PDGFC: variants seen among roughly 807,000 people sequenced by gnomAD.
The protein encoded by PDGFC is platelet derived growth factor C.
A neutral mutation model predicts 35.5 loss-of-function variants in PDGFC; 12 were observed. That is an observed-to-expected ratio of 0.34 (90% confidence interval 0.22 to 0.55). PDGFC has a LOEUF of 0.55. PDGFC is among the 20% of genes least tolerant of loss of function. The probability of loss-of-function intolerance (pLI) is 0.91; values close to 1 mark genes in which losing one functional copy is unlikely to be tolerated. For synonymous variants in PDGFC, 159 were observed against 148.8 expected (o/e 1.07, Z -0.50); for missense variants, 322 against 412.4 (o/e 0.78, Z 1.90).
At chr4:156,882,597 A>G (rs940106120) in intron 1 of PDGFC, among the ~76,000 whole-genome samples, 2 of 152,226 alleles carry the variant, frequency 1.3e-5, no homozygotes, top group African/African-American at 4.8e-5. Flanking sequence ...TAAAGTAATT[A>G]TAGACAACTG....
At chr4:156,827,985 C>T (rs967959248) in intron 2 of PDGFC, among the ~76,000 whole-genome samples, 3 of 152,168 alleles carry the variant, frequency 2.0e-5, no homozygotes, top group African/African-American at 4.8e-5. Context: ...CTTTGCAAGG[C>T]CTCTCCTCCG....
chr4:156,872,659 T>A (rs1023338330), intron 1 of PDGFC, among the ~76,000 whole-genome samples: 3 of 152,224 alleles, frequency 2.0e-5, no homozygotes, highest in Admixed American at 2.0e-4. Flanking sequence ...TCACAAAATA[T>A]GTCTTATTAT....
chr4:156,882,571 T>C (rs1002953879), intron 1 of PDGFC, among the ~76,000 whole-genome samples: 1 of 152,192 alleles, frequency 6.6e-6, no homozygotes. Flanking sequence ...TTAACATGTA[T>C]CACCCATAAC....
intron 4 of PDGFC, chr4:156,770,627 C>T (rs1001977047): frequency 7.2e-5 from 11 of 151,796 alleles, no homozygotes; most frequent in African/African-American, 2.4e-4. Flanking sequence ...GATTTTTTTC[C>T]TTTTCATAAT....
chr4:156,862,031 C>T (rs754830994), intron 1 of PDGFC, among the ~76,000 whole-genome samples: 9 of 151,658 alleles, frequency 5.9e-5, no homozygotes, highest in Non-Finnish European at 1.2e-4. Context: ...CAGATTTAGG[C>T]AGAATAAGTT....
At chr4:156,913,814 C>T (rs539721618) in intron 1 of PDGFC, among the ~76,000 whole-genome samples, 17 of 152,230 alleles carry the variant, frequency 1.1e-4, no homozygotes, top group South Asian at 6.2e-4. Flanking sequence ...GGCCCCAGGC[C>T]CCGTTGGTGA....
intron 4 of PDGFC, chr4:156,770,219 A>G (rs1730657395): frequency 6.6e-6 from 1 of 152,068 alleles, no homozygotes; most frequent in Non-Finnish European, 1.5e-5. Context: ...GTACTAGTTA[A>G]GCTTGACTTA....
At chr4:156,968,186 T>C (rs1732509995) in intron 1 of PDGFC, among the ~76,000 whole-genome samples, 1 of 152,188 alleles carries the variant, frequency 6.6e-6, no homozygotes, top group South Asian at 2.1e-4. Context: ...CCGAGGTACC[T>C]GATTGAGTAA....
intron 1 of PDGFC, among the ~76,000 whole-genome samples, chr4:156,949,509 C>A (rs1180632668): frequency 2.6e-5 from 4 of 151,734 alleles, no homozygotes; most frequent in Admixed American, 2.6e-4. Flanking sequence ...TTCTTTATAA[C>A]AAACTGGCCT....
rs1335129226 is a variant in PDGFC, at chr4:156,921,797, T to A, written c.118+48989A>T. On this transcript the variant is annotated intron_variant, in intron 1 of 5. Transcript: ENST00000502773. The stretch of plus-strand genomic sequence containing the variant: ...ACACAGATAACTGTTTCTACTGATG[T>A]GCATTTCCTTGGTTGATATTTCCCC... Among the ~76,000 whole-genome samples, 5 of 152,106 alleles carry A rather than the reference T, an allele frequency of 3.3e-5. No individual in the cohort carries two copies. In the East Asian group the frequency reaches 9.7e-4, roughly 29 times the overall value.
chr4:156,833,280 G>A (rs1284185671), intron 2 of PDGFC, among the ~76,000 whole-genome samples: 1 of 152,228 alleles, frequency 6.6e-6, no homozygotes, highest in African/African-American at 2.4e-5. Context: ...CAGAGACTAT[G>A]TTAATGCTTC....
intron 1 of PDGFC, among the ~76,000 whole-genome samples, chr4:156,878,106 C>G (rs530829742): frequency 6.6e-6 from 1 of 152,220 alleles, no homozygotes; most frequent in South Asian, 2.1e-4. Context: ...AAGCACTTAA[C>G]GAATATTTGT....
In PDGFC at chr4:156,761,697, G is replaced by C. The variant is rs1011106843; in HGVS notation, c.*1393C>G. The C allele has an allele frequency of 8.5e-5, 13 of 152,610 alleles. No individual in the cohort carries two copies. The highest frequency in any genetic ancestry group is 2.9e-4 in the African/African-American group (12 of 41,516). The allele number at this position is 152,610 out of a possible 1,614,324, so 9.5% of individuals were successfully genotyped here. A position where few individuals can be genotyped will look rare whatever the true frequency, so the allele number is the denominator to read the frequency against. On this transcript the variant is annotated 3_prime_UTR_variant, in exon 6 of 6. Transcript: ENST00000502773. Reference sequence around the variant, plus strand: ...AATAGTCACCACATAACCTAGGCACGATATTAAGCATTTTACAAGCAAAAT... The same window carrying C: ...AATAGTCACCACATAACCTAGGCACCATATTAAGCATTTTACAAGCAAAAT...
intron 1 of PDGFC, among the ~76,000 whole-genome samples, chr4:156,859,255 C>T (rs965810105): frequency 1.3e-5 from 2 of 151,970 alleles, no homozygotes; most frequent in Non-Finnish European, 1.5e-5. Flanking sequence ...GAGTTTACTG[C>T]TTCCTGTTCC....
chr4:156,804,907 G>A (rs571691476), intron 3 of PDGFC, among the ~76,000 whole-genome samples: 3 of 151,978 alleles, frequency 2.0e-5, no homozygotes, highest in African/African-American at 4.8e-5. Flanking sequence ...ATTAATCTAC[G>A]ATTTTATTTA....
intron 3 of PDGFC, among the ~76,000 whole-genome samples, chr4:156,809,639 A>C (rs1731876626): frequency 6.6e-6 from 1 of 151,896 alleles, no homozygotes; most frequent in Non-Finnish European, 1.5e-5. Context: ...TGCTTTTATC[A>C]TTACATATTT....
At chr4:156,854,376 T>G (rs1265646920) in intron 1 of PDGFC, among the ~76,000 whole-genome samples, 1 of 152,198 alleles carries the variant, frequency 6.6e-6, no homozygotes, top group Non-Finnish European at 1.5e-5. Context: ...CTTAAGTTTG[T>G]GTTTACATTT....
intron 1 of PDGFC, among the ~76,000 whole-genome samples, chr4:156,900,470 G>T (rs895092898): frequency 5.3e-5 from 8 of 152,142 alleles, no homozygotes; most frequent in African/African-American, 1.9e-4. Flanking sequence ...TGGAGTCAGA[G>T]AAGTAATAGG....
chr4:156,770,095 T>C (rs1730652832), intron 4 of PDGFC: 1 of 152,040 alleles, frequency 6.6e-6, no homozygotes, highest in Non-Finnish European at 1.5e-5. Context: ...TTAGACAGAT[T>C]TCCCAAGTGA....
Sources: allele counts gnomAD v4.1 joint callset (sites outside exome capture counted in the v4.1 genomes callset), GRCh38; gene constraint gnomAD v4.1.1; transcripts MANE v1.5; gene names NCBI Gene and HGNC (gene_info 2026-07-23, HGNC 2026-07-21).